Variants in WWOX observed in about 807,000 individuals in gnomAD.
WWOX encodes WW domain-containing oxidoreductase.
Under a neutral mutation model 46.2 loss-of-function variants are expected in WWOX, and 69 were observed. The observed-to-expected ratio is 1.49, with a 90% CI of 1.23 to 1.82. WWOX has a LOEUF of 1.82. Among genes scored for constraint, WWOX ranks in the 40% most tolerant of loss-of-function variants. The pLI, the probability that WWOX is intolerant of heterozygous loss-of-function variation, is 0.00. For missense variants in WWOX, 919 were observed against 542.6 expected, an observed-to-expected ratio of 1.69 and a Z score of -6.89; for synonymous variants, 359 against 202.6, an observed-to-expected ratio of 1.77 and a Z score of -6.56.
At chr16:78,596,675 C>T (rs1376313307) in intron 8 of WWOX, among the ~76,000 whole-genome samples, 1 of 152,122 alleles carries the variant, frequency 6.6e-6, no homozygotes, top group Non-Finnish European at 1.5e-5. Context: ...TCATTGGAAG[C>T]CAGCAGGGAG....
intron 8 of WWOX, among the ~76,000 whole-genome samples, chr16:78,502,653 G>C (rs1156788124): frequency 6.6e-6 from 1 of 152,174 alleles, no homozygotes; most frequent in African/African-American, 2.4e-5. Context: ...ACAAGTTTCA[G>C]CATGGACTTC....
intron 8 of WWOX, among the ~76,000 whole-genome samples, chr16:78,671,619 A>G (rs1308114146): frequency 6.6e-6 from 1 of 152,134 alleles, no homozygotes; most frequent in East Asian, 1.9e-4. Flanking sequence ...TATAAAGTAG[A>G]GATTCCCTAT....
intron 5 of WWOX, among the ~76,000 whole-genome samples, chr16:78,266,778 T>A (rs2079370303): frequency 1.0e-5 from 1 of 97,880 alleles, no homozygotes; most frequent in African/African-American, 3.5e-5. Context: ...ATGCAAGTTC[T>A]ATTCTTCTAT....
intron 8 of WWOX, among the ~76,000 whole-genome samples, chr16:78,787,160 A>C (rs1033790658): frequency 2.6e-5 from 4 of 152,206 alleles, no homozygotes; most frequent in Non-Finnish European, 4.4e-5. Flanking sequence ...AAACAAAAAT[A>C]AAACAAACAA....
At chr16:78,133,643 G>A (rs938102410) in intron 4 of WWOX, among the ~76,000 whole-genome samples, 4 of 152,152 alleles carry the variant, frequency 2.6e-5, no homozygotes, top group East Asian at 1.9e-4. Context: ...TGATCCACCC[G>A]CCTCGGCCTC....
chr16:79,056,164 A>G (rs1390973371), intron 8 of WWOX, among the ~76,000 whole-genome samples: 20 of 152,060 alleles, frequency 1.3e-4, no homozygotes, highest in Non-Finnish European at 1.5e-4. Flanking sequence ...TCTTTTTACT[A>G]AAGTTTCCCT....
intron 5 of WWOX, among the ~76,000 whole-genome samples, chr16:78,369,722 A>G (rs1344508221): frequency 6.6e-6 from 1 of 151,992 alleles, no homozygotes; most frequent in Admixed American, 6.5e-5. Flanking sequence ...CAGAAATCCA[A>G]TTAAACCCAA....
chr16:78,141,430 C>CTTTTT lies in WWOX; in HGVS notation c.410-22738_410-22734dup, dbSNP rs10639685. ...GGATGTCAACCCCACCATCCCCCTT[C>CTTTTT]TTTTTTTTTTTTTTTTTTTGCATCC... is the stretch of plus-strand genomic sequence containing the variant. On this transcript the variant is annotated intron_variant, in intron 4 of 8. Coordinates refer to ENST00000566780, the MANE Select transcript of WWOX (RefSeq NM_016373.4). Among the ~76,000 whole-genome samples the CTTTTT allele has an allele frequency of 5.7e-4, 68 of 118,910 alleles. 4 individuals are homozygous for CTTTTT. Among genetic ancestry groups the CTTTTT allele is most frequent in the African/African-American group, 1.1e-3 (35 of 31,824 alleles). 78.0% of individuals were successfully genotyped at this position (118,910 alleles called of 152,430 possible). A position where few individuals can be genotyped will look rare whatever the true frequency, so the allele number is the denominator to read the frequency against.
At chr16:78,505,906 A>G (rs79523207) in intron 8 of WWOX, among the ~76,000 whole-genome samples, 5 of 152,254 alleles carry the variant, frequency 3.3e-5, no homozygotes, top group African/African-American at 1.2e-4. Flanking sequence ...ATCATGAGCA[A>G]TGTGATTTGG....
intron 8 of WWOX, among the ~76,000 whole-genome samples, chr16:78,504,335 T>C (rs1322094791): frequency 1.3e-5 from 2 of 152,200 alleles, no homozygotes; most frequent in Non-Finnish European, 2.9e-5. Context: ...CTGAAAGAAA[T>C]TCCCAGGAGA....
chr16:78,591,142 AC>A (rs1019024047), intron 8 of WWOX, among the ~76,000 whole-genome samples: 1 of 151,164 alleles, frequency 6.6e-6, no homozygotes, highest in Non-Finnish European at 1.5e-5. Context: ...CCTCAGTTTC[AC>A]CCCCCTTTCT....
chr16:78,319,634 G>T (rs760231448), intron 5 of WWOX, among the ~76,000 whole-genome samples: 1 of 152,120 alleles, frequency 6.6e-6, no homozygotes, highest in Non-Finnish European at 1.5e-5. Flanking sequence ...ATTTCAAGCC[G>T]TGAATTTCTT....
intron 8 of WWOX, chr16:78,994,504 A>T (rs1017110965): frequency 6.6e-6 from 1 of 152,200 alleles, no homozygotes; most frequent in African/African-American, 2.4e-5. Flanking sequence ...TACTTATCTG[A>T]CAAATGCAAT....
At chr16:78,464,945 G>A (rs546732970) in intron 8 of WWOX, among the ~76,000 whole-genome samples, 1 of 152,304 alleles carries the variant, frequency 6.6e-6, no homozygotes, top group Non-Finnish European at 1.5e-5. Flanking sequence ...GTTTCACCTG[G>A]CTGGGGAGGC....
intron 8 of WWOX, among the ~76,000 whole-genome samples, chr16:79,028,475 C>T (rs960226647): frequency 6.6e-6 from 1 of 151,772 alleles, no homozygotes; most frequent in Non-Finnish European, 1.5e-5. Flanking sequence ...GATAAAAAAG[C>T]ACAAATTGTA....
At chr16:79,040,944 G>A (rs973794219) in intron 8 of WWOX, among the ~76,000 whole-genome samples, 1 of 152,086 alleles carries the variant, frequency 6.6e-6, no homozygotes, top group Non-Finnish European at 1.5e-5. Context: ...TGGAGCATGG[G>A]TTTTGGGCTG....
intron 8 of WWOX, among the ~76,000 whole-genome samples, chr16:78,469,564 C>G (rs1345615182): frequency 6.6e-6 from 1 of 152,066 alleles, no homozygotes; most frequent in Admixed American, 6.6e-5. Flanking sequence ...TGCAGAAGGG[C>G]TTTTGGATAA....
At chr16:78,905,994 A>G (rs2044953508) in intron 8 of WWOX, among the ~76,000 whole-genome samples, 2 of 152,192 alleles carry the variant, frequency 1.3e-5, no homozygotes, top group Non-Finnish European at 2.9e-5. Flanking sequence ...ACTTAGTAAT[A>G]TTTTGATAAG....
At chr16:78,953,459 G>A (rs560897387) in intron 8 of WWOX, among the ~76,000 whole-genome samples, 1 of 143,774 alleles carries the variant, frequency 7.0e-6, no homozygotes, top group Admixed American at 7.0e-5. Flanking sequence ...TAGGACCTCT[G>A]CCCCACTCTA....
Sources: allele counts gnomAD v4.1 joint callset (sites outside exome capture counted in the v4.1 genomes callset), GRCh38; gene constraint gnomAD v4.1.1; transcripts MANE v1.5; gene names NCBI Gene and HGNC (gene_info 2026-07-23, HGNC 2026-07-21).